FAM20B: variants seen among roughly 807,000 people sequenced by gnomAD.
The protein encoded by FAM20B is glycosaminoglycan xylosylkinase.
FAM20B carries 23 observed loss-of-function variants against 43.8 expected under a neutral mutation model. The ratio of observed to expected loss-of-function variants is 0.53; its 90% CI spans 0.38 to 0.74. The LOEUF is 0.74. Among genes scored for constraint, FAM20B ranks in the 30% least tolerant of loss-of-function variants. The pLI is 0.00. For synonymous variants in FAM20B, 178 were observed against 192.4 expected (o/e 0.93, Z 0.62); for missense variants, 440 against 510.5 (o/e 0.86, Z 1.33).
At chr1:179,030,324 T>A (rs563272826) in intron 1 of FAM20B, among the ~76,000 whole-genome samples, 8 of 152,210 alleles carry the variant, frequency 5.3e-5, no homozygotes, top group Non-Finnish European at 1.0e-4. Context: ...CAAAATAATA[T>A]GGAAGTACTT....
chr1:179,037,885 A>G (rs1365384011), intron 1 of FAM20B, among the ~76,000 whole-genome samples: 1 of 152,162 alleles, frequency 6.6e-6, no homozygotes, highest in African/African-American at 2.4e-5. Context: ...CAAAAGGAGA[A>G]GTTTTGAAAT....
chr1:179,035,771 C>T (rs1342504089), intron 1 of FAM20B: 7 of 264,290 alleles, frequency 2.6e-5, no homozygotes, highest in African/African-American at 1.6e-4. Flanking sequence ...TTACGTTTGC[C>T]CTTATACAAT....
Position 179,072,955 on chromosome 1 carries a change from C to G in FAM20B, c.*811C>G, listed in dbSNP as rs116234027. 6.6e-6 allele frequency: 1 copy of G among 152,176 alleles called. No individual in the cohort carries two copies. Among genetic ancestry groups the G allele is most frequent in the African/African-American group, 2.4e-5 (1 of 41,448 alleles). 9.4% of individuals were successfully genotyped at this position (152,176 alleles called of 1,614,324 possible). On this transcript the variant is annotated 3_prime_UTR_variant, in exon 8 of 8. Transcript: ENST00000263733. Reference sequence around the variant, plus strand: ...CAAAAAGTTGTCTCTAGAGAAAATACTATTACAATCTAAGCATGATTCTCT... The same window carrying G: ...CAAAAAGTTGTCTCTAGAGAAAATAGTATTACAATCTAAGCATGATTCTCT...
At chr1:179,057,950 A>G (rs1651299037) in intron 4 of FAM20B, among the ~76,000 whole-genome samples, 1 of 152,216 alleles carries the variant, frequency 6.6e-6, no homozygotes, top group Admixed American at 6.5e-5. Flanking sequence ...ACAGTGGGAA[A>G]GAATATTTTA....
chr1:179,062,789 A>G lies in FAM20B; in HGVS notation c.575-1138A>G, dbSNP rs75014274. On this transcript the variant is annotated intron_variant, in intron 4 of 7. Transcript: ENST00000263733. ...TTAACTCTCTTCTCCACTGGTGAGA[A>G]GCCTGGTTACTGTTACACTCAGTCT... is the stretch of plus-strand genomic sequence containing the variant. 8.6e-3 allele frequency among the ~76,000 whole-genome samples: 1,304 copies of G among 152,276 alleles called. 17 individuals are homozygous for G. The highest frequency in any genetic ancestry group is 0.03 in the African/African-American group (1,235 of 41,548).
intron 1 of FAM20B, among the ~76,000 whole-genome samples, chr1:179,030,114 A>G (rs1649947774): frequency 6.6e-6 from 1 of 152,126 alleles, no homozygotes. Flanking sequence ...GCTTCCTGAC[A>G]TTGAATGTAA....
intron 1 of FAM20B, among the ~76,000 whole-genome samples, chr1:179,029,335 C>G (rs1040568859): frequency 1.1e-4 from 16 of 152,236 alleles, no homozygotes; most frequent in African/African-American, 3.6e-4. Context: ...GCCTGGGCTG[C>G]AGAACAGAAG....
At chr1:179,034,997 C>T (rs1158618091) in intron 1 of FAM20B, among the ~76,000 whole-genome samples, 1 of 152,122 alleles carries the variant, frequency 6.6e-6, no homozygotes, top group African/African-American at 2.4e-5. Flanking sequence ...TCTCTATGAC[C>T]TCAGAGGTAG....
Position 179,072,328 on chromosome 1 carries a change from G to A in FAM20B, c.*184G>A, listed in dbSNP as rs1305765756. 1 of 590,858 alleles carries A rather than the reference G, an allele frequency of 1.7e-6. No homozygotes were observed. The highest frequency in any genetic ancestry group is 1.9e-5 in the African/African-American group (1 of 53,740). 36.6% of individuals were successfully genotyped at this position (590,858 alleles called of 1,614,324 possible). A position where few individuals can be genotyped will look rare whatever the true frequency, so the allele number is the denominator to read the frequency against. On this transcript the variant is annotated 3_prime_UTR_variant, in exon 8 of 8. Transcript: ENST00000263733. ...TAAAGCAAAGACCACAAGTTTCAGA[G>A]CATGGAGACATTCCTGCTGAATCGC...
intron 3 of FAM20B, among the ~76,000 whole-genome samples, chr1:179,050,571 G>C (rs1177151508): frequency 6.6e-6 from 1 of 152,150 alleles, no homozygotes; most frequent in Non-Finnish European, 1.5e-5. Context: ...TTACTTCCAT[G>C]CTTCTTTAGG....
chr1:179,018,713 A>G, the FAM20B span, among the ~76,000 whole-genome samples: 2 of 152,224 alleles, frequency 1.3e-5, no homozygotes, highest in Non-Finnish European at 2.9e-5. Context: ...GTTTGTGGGG[A>G]CACACTCATT....
At position 179,050,325 on chromosome 1, in the gene FAM20B, G is replaced by T. The variant is rs202188103; in HGVS notation, c.424G>T (p.Asp142Tyr). 6.2e-7 allele frequency: 1 copy of T among 1,614,030 alleles called. No individual in the cohort carries two copies. Among genetic ancestry groups the T allele is most frequent in the African/African-American group, 1.3e-5 (1 of 75,054 alleles). ...VVEGEPYAGY[D>Y]RHNAEVAAFH... ...GGAAGGGGAACCGTATGCTGGTTAT[G>T]ATAGACACAATGCAGAGGTAGCAGC... Residue 142 changes from aspartate (D) to tyrosine (Y), a missense_variant, in exon 3 of 8, where the codon GAT (aspartate) becomes TAT (tyrosine). Asp to Tyr is a radical substitution (Grantham distance 160, BLOSUM62 -3). Coordinates refer to ENST00000263733, the MANE Select transcript of FAM20B (RefSeq NM_014864.4).
At chr1:179,021,976 A>C (rs895672137), upstream of FAM20B, among the ~76,000 whole-genome samples, 7 of 152,220 alleles carry the variant, frequency 4.6e-5, no homozygotes, top group Non-Finnish European at 1.0e-4. Context: ...TCAGCAGAGA[A>C]GCTGGGTGTG....
chr1:179,062,528 T>C (rs1651511386), intron 4 of FAM20B, among the ~76,000 whole-genome samples: 1 of 151,976 alleles, frequency 6.6e-6, no homozygotes, highest in Non-Finnish European at 1.5e-5. Flanking sequence ...TGGGCGCCTG[T>C]AGTCCCAGCT....
chr1:179,068,931 A>C (rs138524319), intron 7 of FAM20B, among the ~76,000 whole-genome samples: 3 of 152,074 alleles, frequency 2.0e-5, no homozygotes, highest in Non-Finnish European at 4.4e-5. Context: ...GCCAGAAGCA[A>C]CTCTCCAGAG....
chr1:179,057,675 A>T (rs1470792051), intron 4 of FAM20B, among the ~76,000 whole-genome samples: 2 of 152,220 alleles, frequency 1.3e-5, no homozygotes, highest in African/African-American at 4.8e-5. Flanking sequence ...TCATTAGCTT[A>T]TAGTCTTTAT....
chr1:179,066,912 C>T (rs1485175156), intron 7 of FAM20B, 53 bp downstream of exon 7: 1 of 1,279,424 alleles, frequency 7.8e-7, no homozygotes, highest in East Asian at 2.3e-5. Flanking sequence ...TTTCCAGGCT[C>T]AGGTAACAGT....
rs917620627 is a variant in FAM20B at position 179,075,828 on chromosome 1, C to T, written c.*3684C>T. On this transcript the variant is annotated 3_prime_UTR_variant, in exon 8 of 8. Coordinates refer to ENST00000263733, the MANE Select transcript of FAM20B (RefSeq NM_014864.4). ...CTTCCCATCCGCCATATTTCTTCAGCCTTTCTTCTCGATCACCCGTGTATT... is the reference window on the plus strand; with the variant it reads ...CTTCCCATCCGCCATATTTCTTCAGTCTTTCTTCTCGATCACCCGTGTATT... 1 of 151,982 alleles carries T rather than the reference C, an allele frequency of 6.6e-6. No homozygotes were observed. Among genetic ancestry groups the T allele is most frequent in the Non-Finnish European group, 1.5e-5 (1 of 68,010 alleles). 9.4% of individuals were successfully genotyped at this position (151,982 alleles called of 1,614,324 possible).
intron 7 of FAM20B, among the ~76,000 whole-genome samples, chr1:179,071,240 G>A (rs890993866): frequency 6.6e-5 from 10 of 150,958 alleles, no homozygotes; most frequent in South Asian, 2.1e-4. Flanking sequence ...AGCTTGCAGT[G>A]AGCCGAGATC....
Sources: allele counts gnomAD v4.1 joint callset (sites outside exome capture counted in the v4.1 genomes callset), GRCh38; gene constraint gnomAD v4.1.1; transcripts MANE v1.5; gene names NCBI Gene and HGNC (gene_info 2026-07-23, HGNC 2026-07-21).